Variants in IRAG1 observed in about 807,000 individuals in gnomAD.
The protein encoded by IRAG1 is inositol 1,4,5-triphosphate receptor associated 1.
IRAG1 carries 62 observed loss-of-function variants against 106.2 expected under a neutral mutation model. The ratio of observed to expected loss-of-function variants is 0.58; its 90% CI spans 0.48 to 0.72. The LOEUF (loss-of-function observed/expected upper bound fraction) is 0.72, where lower values mean the gene tolerates loss of function less well. Among genes scored for constraint, IRAG1 ranks in the 30% least tolerant of loss-of-function variants. The probability of loss-of-function intolerance (pLI) is 0.00; values close to 1 mark genes in which losing one functional copy is unlikely to be tolerated. For missense variants in IRAG1, 1,064 were observed against 1,140.7 expected (o/e 0.93, Z 0.97); for synonymous variants, 462 against 443.9 (o/e 1.04, Z -0.51).
rs1861778663 is a variant in IRAG1, at chr11:10,687,875, T to TGG, written c.67+5660_67+5661insCC. ...CTAAGGGATTTAGCTTTGCTTTTTT[T>TGG]TGGGGGGGGGTGGTATTTAACTTTG... is the stretch of plus-strand genomic sequence containing the variant. On this transcript the variant is annotated intron_variant, in intron 1 of 20. Coordinates refer to ENST00000423302, the MANE Select transcript of IRAG1 (RefSeq NM_130385.4). 4 of 1,122,752 alleles carry TGG rather than the reference T, an allele frequency of 3.6e-6. No individual in the cohort carries two copies. The African/African-American group carries it at 5.5e-5, about 16-fold the overall frequency. The allele number at this position is 1,122,752 out of a possible 1,614,324, so 69.5% of individuals were successfully genotyped here. A position where few individuals can be genotyped will look rare whatever the true frequency, so the allele number is the denominator to read the frequency against.
intron 18 of IRAG1, among the ~76,000 whole-genome samples, chr11:10,585,794 C>T (rs1473351174): frequency 2.0e-5 from 3 of 152,140 alleles, no homozygotes; most frequent in Non-Finnish European, 2.9e-5. Context: ...GAAACCCAAG[C>T]TCAGGTTGAT....
At chr11:10,621,530 T>C in intron 10 of IRAG1, among the ~76,000 whole-genome samples, 1 of 152,162 alleles carries the variant, frequency 6.6e-6, no homozygotes, top group Admixed American at 6.5e-5. Flanking sequence ...CCCATTTGCA[T>C]CTCCCCAACA....
intron 2 of IRAG1, among the ~76,000 whole-genome samples, chr11:10,648,256 C>T (rs1005215590): frequency 1.3e-5 from 2 of 152,090 alleles, no homozygotes; most frequent in Admixed American, 6.5e-5. Context: ...CCCGGCTATT[C>T]GGGAGGCTGA....
intron 14 of IRAG1, 70 bp from the exon 15 acceptor site, chr11:10,601,129 G>T (rs1853952258): frequency 6.3e-7 from 1 of 1,591,258 alleles, no homozygotes; most frequent in East Asian, 2.2e-5. Flanking sequence ...TATTTGCTCT[G>T]ACCTAGGGTC....
At chr11:10,604,093 T>C (rs528212725) in intron 13 of IRAG1, among the ~76,000 whole-genome samples, 1 of 152,228 alleles carries the variant, frequency 6.6e-6, no homozygotes, top group Non-Finnish European at 1.5e-5. Context: ...CAGTTTCTTC[T>C]GGTGCTTGGA....
At chr11:10,593,863 C>A in intron 16 of IRAG1, 1 of 572,276 alleles carries the variant, frequency 1.7e-6, no homozygotes, top group Non-Finnish European at 3.1e-6. Context: ...ACCCCACAGT[C>A]TCTGGGTAAC....
chr11:10,640,747 G>A (rs747545753), intron 2 of IRAG1, among the ~76,000 whole-genome samples: 22 of 152,128 alleles, frequency 1.4e-4, no homozygotes, highest in Admixed American at 3.3e-4. Flanking sequence ...ACCAAATAGC[G>A]TTGGCCAGAC....
chr11:10,616,792 T>C (rs1340989543), intron 10 of IRAG1, among the ~76,000 whole-genome samples: 1 of 152,230 alleles, frequency 6.6e-6, no homozygotes, highest in Non-Finnish European at 1.5e-5. Context: ...GTAAGCTATT[T>C]TTACTTTCTT....
Position 10,576,260 on chromosome 11 carries a change from T to G in IRAG1, c.*72A>C. 1 of 1,592,710 alleles carries G rather than the reference T, an allele frequency of 6.3e-7. No homozygotes were observed. The highest frequency in any genetic ancestry group is 8.6e-7 in the Non-Finnish European group (1 of 1,167,600). Reference sequence around the variant, plus strand: ...GCGGCAGTGTGTCCACACTTGGGCCTGACGTTATACTTGGGGAAAGGGTGG... The same window carrying G: ...GCGGCAGTGTGTCCACACTTGGGCCGGACGTTATACTTGGGGAAAGGGTGG... On this transcript the variant is annotated 3_prime_UTR_variant, in exon 21 of 21. Coordinates refer to ENST00000423302, the MANE Select transcript of IRAG1 (RefSeq NM_130385.4).
chr11:10,652,141 C>A lies in IRAG1; in HGVS notation c.109G>T (p.Ala37Ser). 3 of 1,613,322 alleles carry A rather than the reference C, an allele frequency of 1.9e-6. No individual in the cohort carries two copies. The highest frequency in any genetic ancestry group is 2.5e-6 in the Non-Finnish European group (3 of 1,179,682). The change falls in exon 2 of 21, where the codon GCA (alanine) becomes TCA (serine). Residue 37 changes from alanine (A) to serine (S), a missense_variant. Ala to Ser is a moderately conservative substitution (Grantham distance 99). Coordinates refer to ENST00000423302, the MANE Select transcript of IRAG1 (RefSeq NM_130385.4). ...QASWSIFGAD[A>S]AEVPGTRGHS... Reference sequence around the variant, plus strand: ...CCACGTGTGCCCGGAACCTCCGCTGCGTCAGCCCCAAAGATGCTCCAAGAG... The same window carrying A: ...CCACGTGTGCCCGGAACCTCCGCTGAGTCAGCCCCAAAGATGCTCCAAGAG...
intron 18 of IRAG1, among the ~76,000 whole-genome samples, chr11:10,584,817 G>A (rs1851784419): frequency 6.6e-6 from 1 of 151,830 alleles, no homozygotes; most frequent in Non-Finnish European, 1.5e-5. Flanking sequence ...TGATGGTGGA[G>A]GTGTAAGAAT....
Position 10,628,914 on chromosome 11 carries a change from C to G in IRAG1, c.575-86G>C. The G allele has an allele frequency of 6.2e-6, 8 of 1,288,754 alleles. No homozygotes were observed. Among genetic ancestry groups the G allele is most frequent in the Non-Finnish European group, 8.6e-6 (8 of 925,782 alleles). 79.8% of individuals were successfully genotyped at this position (1,288,754 alleles called of 1,614,324 possible). A position where few individuals can be genotyped will look rare whatever the true frequency, so the allele number is the denominator to read the frequency against. ...AGGCATCCTTTTAGGTATTCCCAGGCCCTGGGAACTGGGTCTGCCTTGCTG... is the reference window on the plus strand; with the variant it reads ...AGGCATCCTTTTAGGTATTCCCAGGGCCTGGGAACTGGGTCTGCCTTGCTG... On this transcript the variant is annotated intron_variant, in intron 5 of 20. Transcript: ENST00000423302. This position sits in a 1 kb window ranked among gnomAD's most constrained non-coding sequence, Gnocchi z 4.1.
intron 1 of IRAG1, among the ~76,000 whole-genome samples, chr11:10,668,023 C>A (rs79801174): frequency 6.6e-6 from 1 of 152,140 alleles, no homozygotes; most frequent in Non-Finnish European, 1.5e-5. Flanking sequence ...GCACCCCAGC[C>A]TCACCTAATG....
chr11:10,577,768 C>G (rs1850973307), intron 20 of IRAG1, among the ~76,000 whole-genome samples: 1 of 152,166 alleles, frequency 6.6e-6, no homozygotes, highest in Admixed American at 6.5e-5. Context: ...GAATGCCTGC[C>G]TTGGATGCTA....
intron 20 of IRAG1, among the ~76,000 whole-genome samples, chr11:10,579,191 G>A (rs1851140807): frequency 6.6e-6 from 1 of 152,172 alleles, no homozygotes; most frequent in Non-Finnish European, 1.5e-5. Context: ...CCTGAACAAT[G>A]GGGTCGACCA....
At chr11:10,609,691 G>T (rs781681210) in intron 11 of IRAG1, 37 bp downstream of exon 11, 12 of 1,593,270 alleles carry the variant, frequency 7.5e-6, no homozygotes, top group Non-Finnish European at 1.0e-5. Context: ...GGGGCCACTC[G>T]GTACAGGGCC....
chr11:10,648,714 TG>T lies in IRAG1; in HGVS notation c.225+3310del, dbSNP rs1428108992. On this transcript the variant is annotated intron_variant, in intron 2 of 20. Coordinates refer to ENST00000423302, the MANE Select transcript of IRAG1 (RefSeq NM_130385.4). ...CAGGACATAGCCTTACAAAGTGCAT[TG>T]TTGGGGGGCTTTTTGTGGTATTTGA... Among the ~76,000 whole-genome samples, 19 of 152,234 alleles carry T rather than the reference TG, an allele frequency of 1.2e-4. No homozygotes were observed. In the South Asian group the frequency reaches 1.5e-3, roughly 12 times the overall value.
chr11:10,592,423 T>C lies in IRAG1; in HGVS notation c.2176-811A>G, dbSNP rs138999640. On this transcript the variant is annotated intron_variant, in intron 17 of 20. Transcript: ENST00000423302. The stretch of plus-strand genomic sequence containing the variant: ...TTCTTAAACATTTTTTTCAGGTTGT[T>C]TTATTTTAGTGGGTAATTTGGGAAT... Among the ~76,000 whole-genome samples the C allele has an allele frequency of 1.3e-4, 20 of 152,342 alleles. No individual in the cohort carries two copies. In the East Asian group the frequency reaches 3.1e-3, roughly 23 times the overall value.
intron 15 of IRAG1, among the ~76,000 whole-genome samples, chr11:10,598,303 A>C (rs1378832098): frequency 6.6e-6 from 1 of 152,090 alleles, no homozygotes; most frequent in Non-Finnish European, 1.5e-5. Flanking sequence ...ATTTCAATTT[A>C]TTTTCTTGTG....
Sources: gnomAD v4.1 joint callset for allele counts (sites outside exome capture counted in the v4.1 genomes callset) on GRCh38, gnomAD v4.1.1 for gene constraint, Gnocchi (gnomAD v3.1) non-coding constraint, MANE v1.5 for transcripts, NCBI Gene and HGNC (gene_info 2026-07-23, HGNC 2026-07-21) for gene names.